The following TRPS1 variants were observed in gnomAD, a reference collection of about 807,000 sequenced individuals.
TRPS1 encodes the protein zinc finger transcription factor Trps1.
In TRPS1, 6 loss-of-function variants were observed where a neutral mutation model predicts 101.2. The observed-to-expected ratio is 0.06, with a 90% CI of 0.03 to 0.12. TRPS1 has a LOEUF of 0.12. Ranked by LOEUF, TRPS1 falls within the 10% of genes least tolerant of loss-of-function variation. The pLI is 1.00. For missense variants in TRPS1, 1,363 were observed against 1,567.0 expected (o/e 0.87, Z 2.20); for synonymous variants, 578 against 589.8 (o/e 0.98, Z 0.29).
intron 5 of TRPS1, among the ~76,000 whole-genome samples, chr8:115,527,981 C>G (rs115195397): frequency 6.6e-6 from 1 of 151,958 alleles, no homozygotes; most frequent in Non-Finnish European, 1.5e-5. Context: ...CAGGTAAAAC[C>G]GGAAAGATCA....
intron 5 of TRPS1, among the ~76,000 whole-genome samples, chr8:115,506,777 T>G (rs1463694728): frequency 6.6e-6 from 1 of 152,102 alleles, no homozygotes. Context: ...TGAGACACAT[T>G]TGTAAAATGT....
intron 1 of TRPS1, among the ~76,000 whole-genome samples, chr8:115,662,212 A>G (rs1478666842): frequency 6.6e-6 from 1 of 152,096 alleles, no homozygotes; most frequent in East Asian, 1.9e-4. Context: ...TAAGCAGAGA[A>G]CACTTCAATG....
At chr8:115,614,671 TAA>T (rs1269809632) in intron 3 of TRPS1, among the ~76,000 whole-genome samples, 1 of 152,230 alleles carries the variant, frequency 6.6e-6, no homozygotes, top group Non-Finnish European at 1.5e-5. Context: ...TCTGAATTGA[TAA>T]AAGTCTCATT....
intron 5 of TRPS1, among the ~76,000 whole-genome samples, chr8:115,471,654 C>A (rs939548260): frequency 6.6e-6 from 1 of 152,178 alleles, no homozygotes; most frequent in African/African-American, 2.4e-5. Flanking sequence ...AAAGTCTCAT[C>A]TGAAACAAGG....
At chr8:115,622,703 T>C (rs1818421988) in intron 2 of TRPS1, among the ~76,000 whole-genome samples, 1 of 151,966 alleles carries the variant, frequency 6.6e-6, no homozygotes, top group Non-Finnish European at 1.5e-5. Flanking sequence ...ATCACCTAAA[T>C]GAAATGAATA....
intron 1 of TRPS1, among the ~76,000 whole-genome samples, chr8:115,625,827 TCA>T (rs1163068853): frequency 2.0e-5 from 3 of 151,982 alleles, no homozygotes; most frequent in South Asian, 2.1e-4. Flanking sequence ...TAATTGGACC[TCA>T]GTTTCAAATC....
At chr8:115,474,282 T>C (rs1315692299) in intron 5 of TRPS1, among the ~76,000 whole-genome samples, 1 of 152,134 alleles carries the variant, frequency 6.6e-6, no homozygotes, top group Non-Finnish European at 1.5e-5. Flanking sequence ...TTCACTTGGA[T>C]TGTCAAGATC....
chr8:115,630,342 C>T (rs1001187727), intron 1 of TRPS1, among the ~76,000 whole-genome samples: 14 of 151,846 alleles, frequency 9.2e-5, no homozygotes, highest in Non-Finnish European at 1.8e-4. Flanking sequence ...TCAGTATAAA[C>T]TTAAGAATCT....
chr8:115,533,450 T>TTTTTTTTTTTTTTTTTTTTTTTTTG (rs1816197846), intron 5 of TRPS1, among the ~76,000 whole-genome samples: 1 of 129,990 alleles, frequency 7.7e-6, no homozygotes, highest in African/African-American at 3.3e-5. Flanking sequence ...TTTTTTTTTT[T>TTTTTTTTTTTTTTTTTTTTTTTTTG]TTTTTTTTTC....
At chr8:115,554,818 C>T (rs1449209046) in intron 5 of TRPS1, among the ~76,000 whole-genome samples, 1 of 152,070 alleles carries the variant, frequency 6.6e-6, no homozygotes, top group Non-Finnish European at 1.5e-5. Context: ...CTCTAGATGG[C>T]ACAGGTTCAG....
At position 115,667,996 on chromosome 8, in the gene TRPS1, T is replaced by C. The variant is rs979126928; in HGVS notation, c.-122+549A>G. 8.3e-5 allele frequency: 99 copies of C among 1,191,960 alleles called. No individual in the cohort carries two copies. The East Asian group carries it at 2.4e-3, about 29-fold the overall frequency. 73.8% of individuals were successfully genotyped at this position (1,191,960 alleles called of 1,614,324 possible). Reference sequence around the variant, plus strand: ...CCTCCAGCTCCTCCGCTGCGCCCGGTAGGAGAGAATTAAAATCAGCCAGAA... The same window carrying C: ...CCTCCAGCTCCTCCGCTGCGCCCGGCAGGAGAGAATTAAAATCAGCCAGAA... On this transcript the variant is annotated intron_variant, in intron 1 of 6. Coordinates refer to ENST00000395715, the MANE Select transcript of TRPS1 (RefSeq NM_014112.5).
chr8:115,593,022 C>T (rs1483240284), intron 4 of TRPS1, among the ~76,000 whole-genome samples: 3 of 151,798 alleles, frequency 2.0e-5, no homozygotes, highest in South Asian at 2.1e-4. Context: ...CTCACTATGT[C>T]GCCCAGGCTG....
At chr8:115,651,051 G>A (rs1472371776) in intron 1 of TRPS1, among the ~76,000 whole-genome samples, 3 of 152,154 alleles carry the variant, frequency 2.0e-5, no homozygotes, top group East Asian at 1.9e-4. Context: ...AAACATGGAC[G>A]TTAAAAAGGC....
chr8:115,557,975 T>C (rs992334336), intron 5 of TRPS1, among the ~76,000 whole-genome samples: 1 of 152,034 alleles, frequency 6.6e-6, no homozygotes, highest in Non-Finnish European at 1.5e-5. Context: ...TTCATAATTA[T>C]GGTACAATTA....
intron 1 of TRPS1, among the ~76,000 whole-genome samples, chr8:115,654,901 C>T (rs1811645531): frequency 6.6e-6 from 1 of 152,068 alleles, no homozygotes; most frequent in African/African-American, 2.4e-5. Flanking sequence ...CTCACTGCAT[C>T]CTAATAAATG....
intron 5 of TRPS1, among the ~76,000 whole-genome samples, chr8:115,467,905 AC>A (rs1814365089): frequency 1.3e-5 from 2 of 152,194 alleles, no homozygotes; most frequent in Admixed American, 6.6e-5. Context: ...AACCTTGGGC[AC>A]AACAGAGATG....
At chr8:115,524,568 C>G (rs1453538760) in intron 5 of TRPS1, among the ~76,000 whole-genome samples, 3 of 152,002 alleles carry the variant, frequency 2.0e-5, no homozygotes, top group Admixed American at 1.3e-4. Context: ...ATCTGCCCAC[C>G]TCAGCCTCCC....
chr8:115,519,139 C>T (rs1344529487), intron 5 of TRPS1, among the ~76,000 whole-genome samples: 1 of 151,148 alleles, frequency 6.6e-6, no homozygotes, highest in East Asian at 1.9e-4. Context: ...TTCTTATTAA[C>T]TTATAAGTAG....
At chr8:115,454,368 T>C (rs1378679702) in intron 5 of TRPS1, among the ~76,000 whole-genome samples, 2 of 152,230 alleles carry the variant, frequency 1.3e-5, no homozygotes, top group Admixed American at 6.5e-5. Flanking sequence ...TTTTAAAGCT[T>C]TTCAAGTTTT....
Sources: allele counts gnomAD v4.1 joint callset (sites outside exome capture counted in the v4.1 genomes callset), GRCh38; gene constraint gnomAD v4.1.1; transcripts MANE v1.5; gene names NCBI Gene and HGNC (gene_info 2026-07-23, HGNC 2026-07-21).